The following MYO18B variants were observed in gnomAD, a reference collection of about 807,000 sequenced individuals.
MYO18B encodes the protein myosin XVIIIB.
In MYO18B, 204 loss-of-function variants were observed where a neutral mutation model predicts 273.0. The observed-to-expected ratio is 0.75, with a 90% CI of 0.67 to 0.84. The LOEUF (loss-of-function observed/expected upper bound fraction) is 0.84, where lower values mean the gene tolerates loss of function less well. MYO18B is among the 40% of genes least tolerant of loss of function. The pLI is 0.00. For missense variants in MYO18B, 3,212 were observed against 3,287.6 expected (o/e 0.98, Z 0.56); for synonymous variants, 1,330 against 1,305.7 (o/e 1.02, Z -0.40).
At chr22:25,842,670 C>T (rs868001267) in intron 17 of MYO18B, among the ~76,000 whole-genome samples, 1 of 110,324 alleles carries the variant, frequency 9.1e-6, no homozygotes, top group Non-Finnish European at 1.7e-5. Flanking sequence ...GAAACTCCGT[C>T]TCAAAAAAAA....
At chr22:25,900,898 C>T (rs1471997660) in intron 29 of MYO18B, 1 of 152,214 alleles carries the variant, frequency 6.6e-6, no homozygotes, top group African/African-American at 2.4e-5. Context: ...TCCATTTCTA[C>T]CACTTTGGAA....
intron 21 of MYO18B, among the ~76,000 whole-genome samples, chr22:25,852,370 G>A (rs1180742263): frequency 1.3e-5 from 2 of 150,282 alleles, no homozygotes; most frequent in East Asian, 2.0e-4. Flanking sequence ...CTTACAGCAA[G>A]AGCTCAATAA....
intron 34 of MYO18B, among the ~76,000 whole-genome samples, chr22:25,931,589 T>C (rs1290103809): frequency 6.6e-6 from 1 of 151,828 alleles, no homozygotes; most frequent in Non-Finnish European, 1.5e-5. Context: ...AAGTGCTCAG[T>C]GAATGAGTGG....
intron 42 of MYO18B, among the ~76,000 whole-genome samples, chr22:26,017,757 G>A (rs774695795): frequency 6.6e-6 from 1 of 152,084 alleles, no homozygotes; most frequent in Non-Finnish European, 1.5e-5. Context: ...ATTTGATTAT[G>A]CTTCTTTAGT....
In MYO18B at chr22:25,832,839, G is replaced by A. The variant is rs558115502; in HGVS notation, c.2980-78G>A. On this transcript the variant is annotated intron_variant, in intron 15 of 43. Coordinates refer to ENST00000335473, the MANE Select transcript of MYO18B (RefSeq NM_032608.7). ...CCAAGAGGTGATGGAAATCCTCTCC[G>A]CTTTTTCCTTCTTCAGAAGTTTTCT... 482 of 1,340,812 alleles carry A rather than the reference G, an allele frequency of 3.6e-4. 2 individuals are homozygous for A. The highest frequency in any genetic ancestry group is 2.3e-3 in the South Asian group (194 of 83,324). The allele number at this position is 1,340,812 out of a possible 1,614,324, so 83.1% of individuals were successfully genotyped here. A position where few individuals can be genotyped will look rare whatever the true frequency, so the allele number is the denominator to read the frequency against.
At chr22:25,997,932 A>AACACACAC (rs3070628) in intron 40 of MYO18B, among the ~76,000 whole-genome samples, 48 of 144,760 alleles carry the variant, frequency 3.3e-4, no homozygotes, top group Middle Eastern at 3.5e-3. Context: ...CCAGGAGAGA[A>AACACACAC]ACACACACAC....
At chr22:25,947,631 CCCTCTTTGCTCTT>C (rs1308730011) in intron 35 of MYO18B, 68 bp from the exon 36 acceptor site, 2 of 1,002,410 alleles carry the variant, frequency 2.0e-6, no homozygotes, top group African/African-American at 3.2e-5. Flanking sequence ...ATAGGCAAGC[CCCTCTTTGCTCTT>C]CCTCTGGACC....
At chr22:26,047,415 C>T in the MYO18B span, among the ~76,000 whole-genome samples, 18 of 152,164 alleles carry the variant, frequency 1.2e-4, no homozygotes, top group African/African-American at 4.1e-4. Context: ...CGTGAGCCAC[C>T]GCGCCCAGCC....
chr22:26,031,508 G>C (rs1359248122), downstream of MYO18B, among the ~76,000 whole-genome samples: 1 of 152,138 alleles, frequency 6.6e-6, no homozygotes, highest in Non-Finnish European at 1.5e-5. Context: ...TTTTATATTG[G>C]ATAGGGTCTG....
At chr22:25,823,459 A>G (rs1349554144) in intron 12 of MYO18B, 46 bp from the exon 13 acceptor site, 19 of 1,590,976 alleles carry the variant, frequency 1.2e-5, no homozygotes, top group Non-Finnish European at 1.5e-5. Flanking sequence ...CATTCACCCC[A>G]TGCCCAAGGC....
chr22:25,754,922 G>A (rs901636844), intron 1 of MYO18B, among the ~76,000 whole-genome samples: 2 of 152,204 alleles, frequency 1.3e-5, no homozygotes, highest in Admixed American at 6.5e-5. Context: ...TCCCCCTGGA[G>A]CCCGAAGCTG....
chr22:26,027,833 T>A lies in MYO18B; in HGVS notation c.*12+143T>A. The A allele has an allele frequency of 1.1e-6, 1 of 881,022 alleles. No homozygotes were observed. Among genetic ancestry groups the A allele is most frequent in the Admixed American group, 2.9e-5 (1 of 34,182 alleles). The allele number at this position is 881,022 out of a possible 1,614,324, so 54.6% of individuals were successfully genotyped here. ...TTTTTAGAGGTTTTAGCTGAAGTCA[T>A]GTGTTGATGGATGCAAAGCTTTTCA... On this transcript the variant is annotated intron_variant, in intron 43 of 43. Coordinates refer to ENST00000335473, the MANE Select transcript of MYO18B (RefSeq NM_032608.7). This position sits in a 1 kb window ranked among gnomAD's most constrained non-coding sequence, Gnocchi z 4.1.
chr22:25,971,727 A>G (rs912335265), intron 39 of MYO18B, among the ~76,000 whole-genome samples: 1 of 152,286 alleles, frequency 6.6e-6, no homozygotes, highest in East Asian at 1.9e-4. Flanking sequence ...GCAAATTAAG[A>G]TTCTGTTTAT....
chr22:25,954,588 C>G (rs909078183), intron 38 of MYO18B, among the ~76,000 whole-genome samples: 17 of 152,292 alleles, frequency 1.1e-4, no homozygotes, highest in Non-Finnish European at 2.2e-4. Context: ...CAGAGGGCCT[C>G]CATAACGTGC....
chr22:25,744,765 T>C (rs944665047), intron 1 of MYO18B, among the ~76,000 whole-genome samples: 1 of 152,042 alleles, frequency 6.6e-6, no homozygotes, highest in Non-Finnish European at 1.5e-5. Context: ...ATAAACAAAA[T>C]GAAATTAAAT....
rs763059894 is a variant in MYO18B at position 25,947,708 on chromosome 22, C to T, written c.5632-4C>T. 6.2e-7 allele frequency: 1 copy of T among 1,612,162 alleles called. No homozygotes were observed. Among genetic ancestry groups the T allele is most frequent in the Admixed American group, 1.7e-5 (1 of 59,964 alleles). On this transcript the variant is annotated splice_polypyrimidine_tract_variant and splice_region_variant and intron_variant, in intron 35 of 43. Coordinates refer to ENST00000335473, the MANE Select transcript of MYO18B (RefSeq NM_032608.7). Reference sequence around the variant, plus strand: ...TGCCTTGACCACTGATCTGCCTCCCCCAGGTGGATGAGCAGCTGTACAGGC... The same window carrying T: ...TGCCTTGACCACTGATCTGCCTCCCTCAGGTGGATGAGCAGCTGTACAGGC...
Position 25,780,127 on chromosome 22 carries a change from G to A in MYO18B, c.2140G>A (p.Ala714Thr), listed in dbSNP as rs1440743703. 1.9e-6 allele frequency: 3 copies of A among 1,604,692 alleles called. No homozygotes were observed. The highest frequency in any genetic ancestry group is 1.6e-4 in the Middle Eastern group (1 of 6,078). Residue 714 changes from alanine to threonine, a missense_variant, in exon 9 of 44, where the codon GCC (alanine) becomes ACC (threonine). Transcript: ENST00000335473. ...TGTGTCCATGGCCCACAGCCGCAGT[G>A]CCACCCGGTTCTCCATGGTGATGTC... ...GSVSMAHSRS[A>T]TRFSMVMSLD... is the part of the protein sequence containing the mutation.
chr22:25,818,400 C>A (rs2089132060), intron 12 of MYO18B, among the ~76,000 whole-genome samples: 1 of 152,206 alleles, frequency 6.6e-6, no homozygotes, highest in African/African-American at 2.4e-5. Flanking sequence ...TCAGCCACAG[C>A]CGGGCAGAAA....
In MYO18B at chr22:25,763,389, G is replaced by A. The variant is rs1460972280; in HGVS notation, c.198G>A (p.Glu66=). 1 of 1,607,046 alleles carries A rather than the reference G, an allele frequency of 6.2e-7. No individual in the cohort carries two copies. The highest frequency in any genetic ancestry group is 1.3e-5 in the African/African-American group (1 of 74,382). ...TAGCTGTCGCCTCTCCAGAACGAGAGGTAAGTGGTTCCTAAGAAGGAGGAC... is the reference window on the plus strand; with the variant it reads ...TAGCTGTCGCCTCTCCAGAACGAGAAGTAAGTGGTTCCTAAGAAGGAGGAC... ...KQLAVASPER[E]IPEISISQPN... The change falls in exon 3 of 44, where the codon GAG becomes GAA. Residue 66 remains glutamate (E), a splice_region_variant and synonymous_variant. Transcript: ENST00000335473.
Sources: gnomAD v4.1 joint callset for allele counts (sites outside exome capture counted in the v4.1 genomes callset) on GRCh38, gnomAD v4.1.1 for gene constraint, Gnocchi (gnomAD v3.1) non-coding constraint, MANE v1.5 for transcripts, NCBI Gene and HGNC (gene_info 2026-07-23, HGNC 2026-07-21) for gene names.